Variants in CNTNAP5 observed in about 807,000 individuals in gnomAD.
CNTNAP5 encodes contactin-associated protein-like 5.
A neutral mutation model predicts 150.2 loss-of-function variants in CNTNAP5; 72 were observed. The observed-to-expected ratio is 0.48, with a 90% CI of 0.40 to 0.58. CNTNAP5 has a LOEUF of 0.58. Among genes scored for constraint, CNTNAP5 ranks in the 20% least tolerant of loss-of-function variants. The pLI, the probability that CNTNAP5 is intolerant of heterozygous loss-of-function variation, is 0.00. For synonymous variants in CNTNAP5, 672 were observed against 619.8 expected (o/e 1.08, Z -1.25); for missense variants, 1,636 against 1,626.2 (o/e 1.01, Z -0.10).
intron 21 of CNTNAP5, among the ~76,000 whole-genome samples, chr2:124,884,308 T>C (rs1048067910): frequency 1.3e-5 from 2 of 152,092 alleles, no homozygotes; most frequent in African/African-American, 4.8e-5. Flanking sequence ...TGCATTTGTT[T>C]GTATGTGTAT....
chr2:124,564,590 G>C (rs1553480069), intron 11 of CNTNAP5, among the ~76,000 whole-genome samples: 1 of 152,164 alleles, frequency 6.6e-6, no homozygotes, highest in East Asian at 1.9e-4. Flanking sequence ...TCCTGACCTC[G>C]TGTTCCGCCT....
intron 13 of CNTNAP5, among the ~76,000 whole-genome samples, chr2:124,672,971 C>T (rs1206476289): frequency 6.6e-6 from 1 of 151,908 alleles, no homozygotes; most frequent in African/African-American, 2.4e-5. Context: ...CAGAATGCAT[C>T]ACAGAGCAAA....
chr2:124,739,490 T>A (rs1217492922), intron 13 of CNTNAP5, among the ~76,000 whole-genome samples: 1 of 152,198 alleles, frequency 6.6e-6, no homozygotes, highest in Admixed American at 6.5e-5. Flanking sequence ...TTTGTTCATA[T>A]AGTGAGACAT....
chr2:124,413,359 G>A (rs1691827662), intron 3 of CNTNAP5, among the ~76,000 whole-genome samples: 2 of 150,776 alleles, frequency 1.3e-5, no homozygotes, highest in Admixed American at 1.3e-4. Context: ...AATATCATTT[G>A]ACGCAGCCAT....
intron 2 of CNTNAP5, among the ~76,000 whole-genome samples, chr2:124,227,875 AC>A (rs1318967078): frequency 3.7e-4 from 56 of 151,946 alleles, no homozygotes; most frequent in African/African-American, 1.3e-3. Context: ...AACAGAACCA[AC>A]GGGATATATA....
chr2:124,229,937 C>T (rs1686572223), intron 2 of CNTNAP5, among the ~76,000 whole-genome samples: 1 of 151,472 alleles, frequency 6.6e-6, no homozygotes, highest in East Asian at 1.9e-4. Flanking sequence ...TTATGTTTAT[C>T]ATTTGTTCCT....
chr2:124,467,024 C>A lies in CNTNAP5; in HGVS notation c.919-7715C>A, dbSNP rs1693394016. Among the ~76,000 whole-genome samples the A allele has an allele frequency of 4.6e-5, 7 of 152,234 alleles. No homozygotes were observed. In the South Asian group the frequency reaches 1.2e-3, roughly 27 times the overall value. ...CAGAAAGAAAGCAGAAGTGGAAAAA[C>A]TAGTACCTTTGAAAGTAAATATTAA... On this transcript the variant is annotated intron_variant, in intron 6 of 23. Coordinates refer to ENST00000682447, the MANE Select transcript of CNTNAP5 (RefSeq NM_001367498.1).
At chr2:124,738,797 A>G (rs1215471098) in intron 13 of CNTNAP5, among the ~76,000 whole-genome samples, 2 of 151,968 alleles carry the variant, frequency 1.3e-5, no homozygotes, top group Non-Finnish European at 2.9e-5. Context: ...GTGAAGGTGG[A>G]TGTTCAGGAC....
intron 3 of CNTNAP5, among the ~76,000 whole-genome samples, chr2:124,310,211 A>G (rs1334713699): frequency 1.3e-5 from 2 of 151,990 alleles, no homozygotes; most frequent in African/African-American, 4.8e-5. Context: ...GGTTCCTGGA[A>G]CCCTGTGTTG....
chr2:124,787,248 A>T (rs1375638630), intron 17 of CNTNAP5, among the ~76,000 whole-genome samples: 1 of 152,196 alleles, frequency 6.6e-6, no homozygotes, highest in African/African-American at 2.4e-5. Flanking sequence ...GAAAAACAAA[A>T]CCAAACAAAA....
chr2:124,646,906 G>A (rs1262261514), intron 12 of CNTNAP5, among the ~76,000 whole-genome samples: 1 of 152,188 alleles, frequency 6.6e-6, no homozygotes, highest in African/African-American at 2.4e-5. Context: ...CCAGGAATTT[G>A]AAGCTACAAT....
At chr2:124,563,411 A>G in intron 11 of CNTNAP5, 88 bp downstream of exon 11, 3 of 767,440 alleles carry the variant, frequency 3.9e-6, no homozygotes, top group East Asian at 2.7e-5. Flanking sequence ...AGCATGGGGC[A>G]GGCATGTTTT....
chr2:124,859,974 A>G (rs545810297), intron 19 of CNTNAP5, among the ~76,000 whole-genome samples: 1 of 152,088 alleles, frequency 6.6e-6, no homozygotes, highest in South Asian at 2.1e-4. Flanking sequence ...TGAGTTAATG[A>G]GTGCAGCACA....
At chr2:124,532,203 A>G (rs1219688493) in intron 10 of CNTNAP5, among the ~76,000 whole-genome samples, 1 of 152,182 alleles carries the variant, frequency 6.6e-6, no homozygotes, top group Admixed American at 6.5e-5. Context: ...GATAAGTAAA[A>G]GGACTTGCAT....
At chr2:124,832,223 C>T in intron 19 of CNTNAP5, among the ~76,000 whole-genome samples, 1 of 151,968 alleles carries the variant, frequency 6.6e-6, no homozygotes, top group East Asian at 1.9e-4. Context: ...AATTTTTAAA[C>T]AAGCTTATTT....
intron 1 of CNTNAP5, among the ~76,000 whole-genome samples, chr2:124,125,849 T>C (rs1331834594): frequency 6.6e-6 from 1 of 152,186 alleles, no homozygotes; most frequent in Non-Finnish European, 1.5e-5. Flanking sequence ...GAAACAAAGA[T>C]GTTCTTTGAA....
At chr2:124,200,864 G>A (rs1397404307) in intron 1 of CNTNAP5, among the ~76,000 whole-genome samples, 4 of 152,094 alleles carry the variant, frequency 2.6e-5, no homozygotes, top group Non-Finnish European at 5.9e-5. Context: ...GTTTCCTGCA[G>A]TTTTCCATCC....
intron 13 of CNTNAP5, among the ~76,000 whole-genome samples, chr2:124,706,356 A>T (rs542045760): frequency 6.6e-6 from 1 of 152,288 alleles, no homozygotes; most frequent in African/African-American, 2.4e-5. Context: ...ATTTTGGAAA[A>T]TTTTACATTG....
chr2:124,607,234 T>C (rs1677253232), intron 11 of CNTNAP5, among the ~76,000 whole-genome samples: 1 of 152,170 alleles, frequency 6.6e-6, no homozygotes, highest in East Asian at 1.9e-4. Context: ...TGTCTTGGTC[T>C]CTCATGCAGC....
Sources: gnomAD v4.1 joint callset for allele counts (sites outside exome capture counted in the v4.1 genomes callset) on GRCh38, gnomAD v4.1.1 for gene constraint, MANE v1.5 for transcripts, NCBI Gene and HGNC (gene_info 2026-07-23, HGNC 2026-07-21) for gene names.